Variants in DMD observed in about 807,000 individuals in gnomAD.
DMD encodes the protein mutant dystrophin.
DMD carries 63 observed loss-of-function variants against 330.1 expected under a neutral mutation model. The ratio of observed to expected loss-of-function variants is 0.19; its 90% CI spans 0.16 to 0.24. The LOEUF is 0.24. Among genes scored for constraint, DMD ranks in the 10% least tolerant of loss-of-function variants. The pLI is 1.00. For missense variants in DMD, 3,344 were observed against 2,684.1 expected (o/e 1.25, Z -5.43); for synonymous variants, 1,223 against 959.8 (o/e 1.27, Z -5.07).
At chrX:32,109,902 C>T (rs1197521454) in intron 44 of DMD, among the ~76,000 whole-genome samples, 1 of 111,285 alleles carries the variant, frequency 9.0e-6, no homozygotes, top group Non-Finnish European at 1.9e-5. Flanking sequence ...TAAATGCGAG[C>T]CGACTAAGGC....
chrX:33,134,648 G>A (rs772210799), intron 1 of DMD, among the ~76,000 whole-genome samples: 2 of 112,237 alleles, frequency 1.8e-5, no homozygotes, highest in African/African-American at 3.2e-5. Flanking sequence ...ATGTTAGTCA[G>A]CTCGACTGAC....
At chrX:32,148,560 T>TTTTTG (rs1448019868) in intron 44 of DMD, among the ~76,000 whole-genome samples, 10 of 109,740 alleles carry the variant, frequency 9.1e-5, no homozygotes, top group South Asian at 3.9e-4. Context: ...TAAACTATTG[T>TTTTTG]TTTTGTTTTG....
At chrX:31,740,130 C>A (rs1383110268) in intron 51 of DMD, among the ~76,000 whole-genome samples, 1 of 110,565 alleles carries the variant, frequency 9.0e-6, no homozygotes, top group African/African-American at 3.3e-5. Flanking sequence ...AATACAATTT[C>A]AAAGTCAAGA....
At chrX:32,792,376 A>C (rs1257338646) in intron 7 of DMD, among the ~76,000 whole-genome samples, 1 of 111,741 alleles carries the variant, frequency 8.9e-6, no homozygotes, top group Non-Finnish European at 1.9e-5. Context: ...GAATACCATC[A>C]CACTATAATG....
At chrX:32,030,769 A>G (rs781293331) in intron 44 of DMD, among the ~76,000 whole-genome samples, 20 of 112,085 alleles carry the variant, frequency 1.8e-4, no homozygotes, top group Non-Finnish European at 3.8e-4. Flanking sequence ...AAAAGTAGCT[A>G]AGCTTTACTG....
chrX:32,819,720 A>G (rs2078062340), intron 5 of DMD, among the ~76,000 whole-genome samples: 1 of 110,348 alleles, frequency 9.1e-6, no homozygotes, highest in Admixed American at 9.7e-5. Flanking sequence ...ACATGGTTCT[A>G]TCTGTAAATG....
intron 7 of DMD, among the ~76,000 whole-genome samples, chrX:32,790,402 C>T (rs1321003641): frequency 2.7e-5 from 3 of 111,353 alleles, no homozygotes; most frequent in African/African-American, 3.3e-5. Flanking sequence ...CCCGTGTGGG[C>T]CCCCAAACCA....
chrX:31,284,438 T>C (rs1476474887), intron 62 of DMD, among the ~76,000 whole-genome samples: 1 of 111,517 alleles, frequency 9.0e-6, no homozygotes, highest in Non-Finnish European at 1.9e-5. Flanking sequence ...GCATTTAGTA[T>C]ATGTTGAGCC....
chrX:33,128,884 T>G (rs1182158972), intron 1 of DMD: 3 of 112,073 alleles, frequency 2.7e-5, no homozygotes, highest in Non-Finnish European at 5.6e-5. Flanking sequence ...AAATACATTT[T>G]AAAATCTGAA....
rs191815648 is a variant in DMD, at chrX:32,731,193, G to A, written c.650-31900C>T. On this transcript the variant is annotated intron_variant, in intron 7 of 78. Transcript: ENST00000357033. ...CGGGTCACACCCACCCGAATACTGC[G>A]TGTTTCCGACGGGCTTAAAAAACGG... 2.0e-4 allele frequency among the ~76,000 whole-genome samples: 23 copies of A among 112,243 alleles called. No individual in the cohort carries two copies. The East Asian group carries it at 3.7e-3, about 18-fold the overall frequency.
At chrX:31,544,342 G>C (rs924946506) in intron 55 of DMD, among the ~76,000 whole-genome samples, 2 of 104,497 alleles carry the variant, frequency 1.9e-5, no homozygotes, top group Admixed American at 2.1e-4. Context: ...AAAAAAAAAA[G>C]GATTCAAGTT....
At chrX:31,400,964 T>A (rs922757490) in intron 60 of DMD, among the ~76,000 whole-genome samples, 1 of 111,695 alleles carries the variant, frequency 9.0e-6, no homozygotes, top group Admixed American at 9.5e-5. Context: ...GAAAGCCAAT[T>A]TTCATTTATT....
At chrX:32,457,026 G>C (rs1380452879) in intron 25 of DMD, among the ~76,000 whole-genome samples, 2 of 104,138 alleles carry the variant, frequency 1.9e-5, no homozygotes, top group Non-Finnish European at 3.9e-5. Context: ...TATGGAGCTT[G>C]ATAAGTTGAC....
intron 61 of DMD, among the ~76,000 whole-genome samples, chrX:31,333,423 T>C (rs1338543900): frequency 3.1e-5 from 3 of 96,932 alleles, no homozygotes; most frequent in Non-Finnish European, 6.2e-5. Flanking sequence ...TTTTTTTTTT[T>C]TTTTTTTTTT....
At chrX:31,188,541 C>G (rs775837645) in intron 67 of DMD, among the ~76,000 whole-genome samples, 41 of 112,110 alleles carry the variant, frequency 3.7e-4, no homozygotes, top group African/African-American at 1.1e-3. Flanking sequence ...ACACCAGTTT[C>G]AAGCCATGCA....
intron 55 of DMD, among the ~76,000 whole-genome samples, chrX:31,597,881 T>C (rs185286294): frequency 9.0e-6 from 1 of 111,691 alleles, no homozygotes; most frequent in Admixed American, 9.5e-5. Context: ...ACATGATACA[T>C]TGTGTTTATA....
rs1230922935 is a variant in DMD at position 32,530,145 on chromosome X, A to T, written c.2169-12014T>A. Among the ~76,000 whole-genome samples, 3 of 112,417 alleles carry T rather than the reference A, an allele frequency of 2.7e-5. No individual in the cohort carries two copies. In the Admixed American group the frequency reaches 2.8e-4, roughly 11 times the overall value. ...AGTCCAAGCACAAAATATTGTCCTT[A>T]AAATTGTACATCTTCTTTATTATCA... is the stretch of plus-strand genomic sequence containing the variant. On this transcript the variant is annotated intron_variant, in intron 17 of 78. Coordinates refer to ENST00000357033, the MANE Select transcript of DMD (RefSeq NM_004006.3).
chrX:31,989,652 G>T (rs1016222788), intron 44 of DMD, among the ~76,000 whole-genome samples: 1 of 110,366 alleles, frequency 9.1e-6, no homozygotes, highest in East Asian at 2.9e-4. Flanking sequence ...CTAATACGGG[G>T]AAAAAAACAT....
At chrX:32,561,979 A>T (rs2051068539) in intron 16 of DMD, among the ~76,000 whole-genome samples, 2 of 111,988 alleles carry the variant, frequency 1.8e-5, no homozygotes, top group South Asian at 3.7e-4. Context: ...TCTTTTCCAG[A>T]CAAGCAAATG....
Sources: gnomAD v4.1 joint callset for allele counts (sites outside exome capture counted in the v4.1 genomes callset) on GRCh38, gnomAD v4.1.1 for gene constraint, MANE v1.5 for transcripts, NCBI Gene and HGNC (gene_info 2026-07-23, HGNC 2026-07-21) for gene names.